The following CPNE4 variants were observed in gnomAD, a reference collection of about 807,000 sequenced individuals.
CPNE4 encodes the protein copine 4.
In CPNE4, 25 loss-of-function variants were observed where a neutral mutation model predicts 67.9. The ratio of observed to expected loss-of-function variants is 0.37; its 90% CI spans 0.27 to 0.51. The LOEUF (loss-of-function observed/expected upper bound fraction) is 0.51. CPNE4 is among the 20% of genes least tolerant of loss of function. The pLI is 0.93. For synonymous variants in CPNE4, 242 were observed against 244.9 expected (o/e 0.99, Z 0.11); for missense variants, 464 against 690.8 (o/e 0.67, Z 3.68).
intron 1 of CPNE4, among the ~76,000 whole-genome samples, chr3:131,926,170 G>A (rs778781315): frequency 7.2e-5 from 11 of 152,154 alleles, no homozygotes; most frequent in Non-Finnish European, 1.6e-4. Flanking sequence ...GAAGAGGCAG[G>A]TGTGAGTCAG....
In CPNE4 at chr3:131,794,058, G is replaced by A. The variant is rs532742267; in HGVS notation, c.181-70433C>T. 9.2e-5 allele frequency among the ~76,000 whole-genome samples: 14 copies of A among 152,286 alleles called. No homozygotes were observed. The South Asian group carries it at 2.9e-3, about 32-fold the overall frequency. On this transcript the variant is annotated intron_variant, in intron 2 of 15. Transcript: ENST00000429747. ...TGGGACAGTGACTGTAAGAATGTAT[G>A]CATATGTATGCAGGATTATCAAGGT...
At chr3:131,828,841 A>C (rs2085265265) in intron 2 of CPNE4, among the ~76,000 whole-genome samples, 1 of 152,298 alleles carries the variant, frequency 6.6e-6, no homozygotes, top group Admixed American at 6.5e-5. Flanking sequence ...TCTAAAAACA[A>C]AACAAAACAA....
intron 2 of CPNE4, among the ~76,000 whole-genome samples, chr3:131,778,263 C>T (rs2083340615): frequency 6.6e-6 from 1 of 152,114 alleles, no homozygotes; most frequent in South Asian, 2.1e-4. Flanking sequence ...CAGCTCCTTG[C>T]CTGACCCACT....
intron 2 of CPNE4, among the ~76,000 whole-genome samples, chr3:131,738,553 G>A (rs2082289234): frequency 6.6e-6 from 1 of 152,192 alleles, no homozygotes; most frequent in African/African-American, 2.4e-5. Context: ...TCATTTTTAA[G>A]GTTTCTTCCA....
chr3:131,863,145 T>C (rs1227932398), intron 2 of CPNE4, among the ~76,000 whole-genome samples: 1 of 152,220 alleles, frequency 6.6e-6, no homozygotes, highest in Non-Finnish European at 1.5e-5. Context: ...TCTTTGATAT[T>C]GTGAATAGTG....
chr3:131,876,275 TAA>T (rs1278736261), intron 2 of CPNE4, among the ~76,000 whole-genome samples: 1 of 143,968 alleles, frequency 6.9e-6, no homozygotes, highest in Non-Finnish European at 1.5e-5. Context: ...AATAAATAAA[TAA>T]ATAAATACGA....
At chr3:131,560,339 G>T (rs1398893545) in intron 11 of CPNE4, among the ~76,000 whole-genome samples, 1 of 151,986 alleles carries the variant, frequency 6.6e-6, no homozygotes, top group South Asian at 2.1e-4. Context: ...AGTTCCCCAT[G>T]CTCTCTCTAT....
intron 1 of CPNE4, among the ~76,000 whole-genome samples, chr3:132,022,093 C>T (rs1481492031): frequency 9.9e-5 from 15 of 152,206 alleles, no homozygotes; most frequent in Non-Finnish European, 1.6e-4. Flanking sequence ...TATTTCCAGG[C>T]TGCTTAGCTT....
chr3:131,957,598 C>T (rs1464100369), intron 1 of CPNE4, among the ~76,000 whole-genome samples: 1 of 152,222 alleles, frequency 6.6e-6, no homozygotes, highest in Non-Finnish European at 1.5e-5. Context: ...AAACAATCCA[C>T]ACTGGGTGGC....
chr3:131,700,903 A>G (rs1353596797), intron 3 of CPNE4, among the ~76,000 whole-genome samples: 1 of 152,072 alleles, frequency 6.6e-6, no homozygotes, highest in Non-Finnish European at 1.5e-5. Flanking sequence ...ACCATGGAAT[A>G]CTATGCAGCC....
intron 2 of CPNE4, among the ~76,000 whole-genome samples, chr3:131,736,062 C>T (rs1459523151): frequency 6.6e-6 from 1 of 152,136 alleles, no homozygotes; most frequent in Non-Finnish European, 1.5e-5. Flanking sequence ...GCCACAGGTC[C>T]CCCTGCCTTC....
intron 7 of CPNE4, among the ~76,000 whole-genome samples, chr3:131,612,092 G>A (rs1428792315): frequency 1.3e-5 from 2 of 152,106 alleles, no homozygotes; most frequent in Admixed American, 6.6e-5. Context: ...AATAAAAATG[G>A]GCTGGGTGCA....
intron 1 of CPNE4, among the ~76,000 whole-genome samples, chr3:131,972,280 C>T (rs1202534573): frequency 2.0e-5 from 3 of 152,190 alleles, no homozygotes; most frequent in African/African-American, 2.4e-5. Flanking sequence ...CAAGTACATA[C>T]TTCTGTATGA....
chr3:131,554,515 G>C (rs983947410), intron 12 of CPNE4, among the ~76,000 whole-genome samples: 1 of 152,016 alleles, frequency 6.6e-6, no homozygotes, highest in African/African-American at 2.4e-5. Context: ...CCAGCAGAAA[G>C]GCCAGTGTGG....
chr3:131,823,896 T>G (rs537872889), intron 2 of CPNE4, among the ~76,000 whole-genome samples: 1 of 152,346 alleles, frequency 6.6e-6, no homozygotes, highest in South Asian at 2.1e-4. Context: ...AAGATTTGGG[T>G]ACAACCAATA....
At chr3:131,846,695 AGGAGATGACT>A (rs1291099659) in intron 2 of CPNE4, among the ~76,000 whole-genome samples, 2 of 152,246 alleles carry the variant, frequency 1.3e-5, no homozygotes, top group Non-Finnish European at 2.9e-5. Flanking sequence ...CCACACAGTA[AGGAGATGACT>A]GTTCAGTTTT....
intron 2 of CPNE4, among the ~76,000 whole-genome samples, chr3:131,847,041 T>C (rs537467553): frequency 1.3e-5 from 2 of 152,298 alleles, no homozygotes; most frequent in South Asian, 4.2e-4. Flanking sequence ...ATGATGATTA[T>C]AGCATCTGCC....
At chr3:131,967,362 G>A (rs776296182) in intron 1 of CPNE4, among the ~76,000 whole-genome samples, 18 of 152,190 alleles carry the variant, frequency 1.2e-4, no homozygotes, top group Non-Finnish European at 2.4e-4. Flanking sequence ...AGTGTTGGAA[G>A]TTCTGGCCAG....
chr3:131,621,852 C>CAA (rs57656411), intron 7 of CPNE4, among the ~76,000 whole-genome samples: 26,399 of 142,056 alleles, frequency 0.19, 3,452 homozygotes, highest in African/African-American at 0.37. Context: ...ACAAAAAATA[C>CAA]AAAAAAAAAA....
Sources: allele counts gnomAD v4.1 joint callset (sites outside exome capture counted in the v4.1 genomes callset), GRCh38; gene constraint gnomAD v4.1.1; transcripts MANE v1.5; gene names NCBI Gene and HGNC (gene_info 2026-07-23, HGNC 2026-07-21).